Variants in ATP6V1E2 observed in about 807,000 individuals in gnomAD.
ATP6V1E2 encodes the protein V-type proton ATPase subunit E 2.
For synonymous variants in ATP6V1E2, 121 were observed against 104.2 expected (o/e 1.16, Z -0.98); for missense variants, 308 against 273.3 (o/e 1.13, Z -0.90).
At chr2:46,529,058 A>G (rs964184901) in intron 4 of ATP6V1E2, among the ~76,000 whole-genome samples, 11 of 152,188 alleles carry the variant, frequency 7.2e-5, no homozygotes, top group Admixed American at 7.2e-4. Flanking sequence ...GTCAGCAAGG[A>G]GCCCTGGGAA....
chr2:46,530,420 T>C lies in ATP6V1E2; in HGVS notation c.-102+5393A>G, dbSNP rs1667127871. On this transcript the variant is annotated intron_variant, in intron 4 of 4. Transcript: ENST00000522587. The surrounding 1 kb of genome is among the most constrained non-coding windows in gnomAD (Gnocchi z 5.2). ...ATCATCCTCCTCCCTTCTCCAATAT[T>C]CATTTCAGAGGTCAAACAGTTTGTC... is the stretch of plus-strand genomic sequence containing the variant. Among the ~76,000 whole-genome samples the C allele has an allele frequency of 6.6e-6, 1 of 152,118 alleles. No individual in the cohort carries two copies. The highest frequency in any genetic ancestry group is 2.4e-5 in the African/African-American group (1 of 41,418).
At chr2:46,522,284 C>CAAA (rs57921616) in intron 4 of ATP6V1E2, among the ~76,000 whole-genome samples, 2 of 136,110 alleles carry the variant, frequency 1.5e-5, no homozygotes, top group African/African-American at 2.7e-5. Flanking sequence ...ACTCTGTCTC[C>CAAA]AAAAAAAAAA....
intron 4 of ATP6V1E2, among the ~76,000 whole-genome samples, chr2:46,515,466 G>C (rs1191664726): frequency 2.0e-5 from 3 of 152,092 alleles, no homozygotes; most frequent in Non-Finnish European, 4.4e-5. Context: ...TTTCATGTTA[G>C]CCCACAGTTA....
intron 2 of ATP6V1E2, among the ~76,000 whole-genome samples, chr2:46,539,353 AC>A (rs1211432206): frequency 1.3e-5 from 2 of 152,222 alleles, no homozygotes; most frequent in Non-Finnish European, 2.9e-5. Flanking sequence ...ATCTTTTGCT[AC>A]ATAGACCAAG....
rs780578930 is a variant in ATP6V1E2 at position 46,512,163 on chromosome 2, G to C, written c.549C>G (p.Val183=). 6.2e-7 allele frequency: 1 copy of C among 1,614,168 alleles called. No homozygotes were observed. The highest frequency in any genetic ancestry group is 1.1e-5 in the South Asian group (1 of 91,082). ...CCTTTATTCTCTGATTGCCACTGTA[G>C]ACCTCCACACCTCCAGCTGCATTCA... is the stretch of plus-strand genomic sequence containing the variant. ...LAVNAAGGVE[V]YSGNQRIKVS... Residue 183 remains valine (V), a synonymous_variant, in exon 5 of 5, where the codon GTC becomes GTG. Transcript: ENST00000522587.
At chr2:46,538,996 A>G (rs1474817222) in intron 2 of ATP6V1E2, among the ~76,000 whole-genome samples, 2 of 152,142 alleles carry the variant, frequency 1.3e-5, no homozygotes, top group Non-Finnish European at 2.9e-5. Context: ...AAAATTCAGG[A>G]AAGAGTTCTA....
In ATP6V1E2 at chr2:46,512,652, C is replaced by A; in HGVS notation, c.60G>T (p.Glu20Asp). The change falls in exon 5 of 5, where the codon GAG becomes GAT. Residue 20 changes from glutamate to aspartate, a missense_variant. Transcript: ENST00000522587. ...KQIKHMMAFI[E>D]QEANEKAEEI... ...CCTCTGCTTTCTCATTGGCTTCCTG[C>A]TCAATGAAAGCCATCATGTGCTTAA... is the stretch of plus-strand genomic sequence containing the variant. 1 of 1,614,202 alleles carries A rather than the reference C, an allele frequency of 6.2e-7. No individual in the cohort carries two copies.
At chr2:46,540,582 A>T (rs1667692922) in intron 2 of ATP6V1E2, among the ~76,000 whole-genome samples, 1 of 150,618 alleles carries the variant, frequency 6.6e-6, no homozygotes, top group African/African-American at 2.5e-5. Flanking sequence ...TTCTATCTCC[A>T]ATCCCTGAAA....
chr2:46,533,501 C>G (rs1667292085), intron 4 of ATP6V1E2, among the ~76,000 whole-genome samples: 1 of 152,052 alleles, frequency 6.6e-6, no homozygotes, highest in Non-Finnish European at 1.5e-5. Context: ...CTTAAACTCT[C>G]CAGCTCAAGC....
chr2:46,534,686 T>C (rs1667353941), intron 4 of ATP6V1E2: 1 of 152,240 alleles, frequency 6.6e-6, no homozygotes, highest in Non-Finnish European at 1.5e-5. Flanking sequence ...GAACTTCCTC[T>C]TTTTGAGGCT....
chr2:46,537,977 G>GA (rs1000837922), intron 2 of ATP6V1E2, among the ~76,000 whole-genome samples: 46 of 147,636 alleles, frequency 3.1e-4, no homozygotes, highest in Middle Eastern at 3.5e-3. Flanking sequence ...ACATTAAAAA[G>GA]AAAAAAAAAA....
At chr2:46,538,804 C>T (rs999207729) in intron 2 of ATP6V1E2, among the ~76,000 whole-genome samples, 1 of 152,032 alleles carries the variant, frequency 6.6e-6, no homozygotes, top group African/African-American at 2.4e-5. Flanking sequence ...GCTGTGAATC[C>T]CAAATTCAAA....
At chr2:46,526,839 G>A (rs955088894) in intron 4 of ATP6V1E2, among the ~76,000 whole-genome samples, 1 of 152,140 alleles carries the variant, frequency 6.6e-6, no homozygotes, top group South Asian at 2.1e-4. Context: ...CTATGAACAT[G>A]GGTATATAAA....
chr2:46,525,899 C>CAA (rs71394899), intron 4 of ATP6V1E2, among the ~76,000 whole-genome samples: 4,928 of 127,916 alleles, frequency 0.039, 100 homozygotes, highest in South Asian at 0.067. Context: ...GCAGTTTCTC[C>CAA]AAAAAAAAAA....
At chr2:46,532,884 A>T (rs1667248849) in intron 4 of ATP6V1E2, among the ~76,000 whole-genome samples, 1 of 152,192 alleles carries the variant, frequency 6.6e-6, no homozygotes, top group Non-Finnish European at 1.5e-5. Context: ...AGAGACTAAG[A>T]CAACCTTCAG....
In ATP6V1E2 at chr2:46,512,339, G is replaced by A; in HGVS notation, c.373C>T (p.Leu125Phe). 6.2e-7 allele frequency: 1 copy of A among 1,613,800 alleles called. No individual in the cohort carries two copies. The highest frequency in any genetic ancestry group is 8.5e-7 in the Non-Finnish European group (1 of 1,179,868). The change falls in exon 5 of 5, where the codon CTC (leucine) becomes TTC (phenylalanine). Residue 125 changes from leucine (L) to phenylalanine (F), a missense_variant. Coordinates refer to ENST00000522587, the MANE Select transcript of ATP6V1E2 (RefSeq NM_001318063.2). Reference sequence around the variant, plus strand: ...ATCATCACAGGTTCCAGCAGTCGGAGCAGACCCTGGAGCACCAGTTTATCC... The same window carrying A: ...ATCATCACAGGTTCCAGCAGTCGGAACAGACCCTGGAGCACCAGTTTATCC... ...LLDKLVLQGLLRLLEPVMIVR... is the reference protein window; with the variant it reads ...LLDKLVLQGLFRLLEPVMIVR...
rs1029416383 is a variant in ATP6V1E2, at chr2:46,530,864, G to C, written c.-102+4949C>G. On this transcript the variant is annotated intron_variant, in intron 4 of 4. Transcript: ENST00000522587. This position sits in a 1 kb window ranked among gnomAD's most constrained non-coding sequence, Gnocchi z 5.2. ...GATCTCATGAGACTTATTCACTAGC[G>C]CAAGAACAGCACAGGAAAAACCCAA... 2.0e-5 allele frequency among the ~76,000 whole-genome samples: 3 copies of C among 152,110 alleles called. No individual in the cohort carries two copies. The highest frequency in any genetic ancestry group is 1.3e-4 in the Admixed American group (2 of 15,264).
intron 4 of ATP6V1E2, among the ~76,000 whole-genome samples, chr2:46,523,428 G>C (rs1163200159): frequency 2.0e-5 from 3 of 152,154 alleles, no homozygotes; most frequent in Non-Finnish European, 4.4e-5. Context: ...TGTAAGGAAG[G>C]GGTCCAGTTT....
intron 4 of ATP6V1E2, among the ~76,000 whole-genome samples, chr2:46,529,882 T>C (rs1387420277): frequency 2.0e-5 from 3 of 152,148 alleles, no homozygotes; most frequent in Non-Finnish European, 2.9e-5. Flanking sequence ...TGCAACCTTC[T>C]TCGAGTTGAA....
Sources: allele counts gnomAD v4.1 joint callset (sites outside exome capture counted in the v4.1 genomes callset), GRCh38; gene constraint gnomAD v4.1.1; non-coding constraint Gnocchi (gnomAD v3.1); transcripts MANE v1.5; gene names NCBI Gene and HGNC (gene_info 2026-07-23, HGNC 2026-07-21).